NXPH1: variants seen among roughly 807,000 people sequenced by gnomAD.
NXPH1 encodes the protein neurexophilin-1.
NXPH1 carries 5 observed loss-of-function variants against 23.7 expected under a neutral mutation model. That is an observed-to-expected ratio of 0.21 (90% CI 0.11 to 0.44). The LOEUF (loss-of-function observed/expected upper bound fraction) is 0.44, where lower values mean the gene tolerates loss of function less well. Ranked by LOEUF, NXPH1 falls within the 20% of genes least tolerant of loss-of-function variation. The pLI is 0.99. For synonymous variants in NXPH1, 144 were observed against 122.2 expected (o/e 1.18, Z -1.18); for missense variants, 324 against 321.6 (o/e 1.01, Z -0.06).
chr7:8,487,925 A>G (rs1817185919), intron 2 of NXPH1, among the ~76,000 whole-genome samples: 1 of 152,104 alleles, frequency 6.6e-6, no homozygotes, highest in Non-Finnish European at 1.5e-5. Flanking sequence ...GAAGAATTTT[A>G]AGGGTCACAT....
intron 2 of NXPH1, among the ~76,000 whole-genome samples, chr7:8,578,760 A>G (rs1057473393): frequency 6.6e-6 from 1 of 152,210 alleles, no homozygotes; most frequent in East Asian, 1.9e-4. Flanking sequence ...ATAAGTTGCT[A>G]TGGAAACATA....
At chr7:8,490,209 A>C (rs189326607) in intron 2 of NXPH1, among the ~76,000 whole-genome samples, 2 of 152,202 alleles carry the variant, frequency 1.3e-5, no homozygotes, top group Admixed American at 1.3e-4. Context: ...AATGCTACTT[A>C]GAGGGAAATT....
chr7:8,656,024 A>G (rs181951545), intron 2 of NXPH1, among the ~76,000 whole-genome samples: 8 of 152,346 alleles, frequency 5.3e-5, no homozygotes, highest in Admixed American at 5.2e-4. Context: ...TTAATATTGC[A>G]TCTCTAGTGC....
chr7:8,520,063 C>CA (rs1252478158), intron 2 of NXPH1, among the ~76,000 whole-genome samples: 1 of 151,856 alleles, frequency 6.6e-6, no homozygotes, highest in African/African-American at 2.4e-5. Context: ...TTTCATTATA[C>CA]AAAAAGAATG....
At chr7:8,540,876 G>A (rs908020610) in intron 2 of NXPH1, among the ~76,000 whole-genome samples, 1 of 151,704 alleles carries the variant, frequency 6.6e-6, no homozygotes, top group Admixed American at 6.6e-5. Flanking sequence ...CCATGACTGA[G>A]CATGCTCCAG....
At chr7:8,721,462 G>C (rs896395640) in intron 2 of NXPH1, among the ~76,000 whole-genome samples, 1 of 152,184 alleles carries the variant, frequency 6.6e-6, no homozygotes, top group Admixed American at 6.5e-5. Context: ...TAAGAACCAA[G>C]ATTACTTAAA....
At chr7:8,625,602 G>C (rs1562432956) in intron 2 of NXPH1, among the ~76,000 whole-genome samples, 1 of 152,108 alleles carries the variant, frequency 6.6e-6, no homozygotes, top group East Asian at 1.9e-4. Context: ...GAAGAGGATA[G>C]TGTTCCATTA....
At chr7:8,583,512 CATT>C (rs368929886) in intron 2 of NXPH1, among the ~76,000 whole-genome samples, 5 of 152,064 alleles carry the variant, frequency 3.3e-5, no homozygotes, top group South Asian at 2.1e-4. Flanking sequence ...TGTTTGCTAT[CATT>C]ATTATTATTA....
At chr7:8,477,569 T>C (rs1434021829) in intron 2 of NXPH1, among the ~76,000 whole-genome samples, 3 of 152,234 alleles carry the variant, frequency 2.0e-5, no homozygotes, top group African/African-American at 7.2e-5. Context: ...AATATGCAAA[T>C]GTGCCTAATT....
intron 2 of NXPH1, among the ~76,000 whole-genome samples, chr7:8,514,305 G>A (rs1413909538): frequency 1.3e-5 from 2 of 152,014 alleles, no homozygotes. Flanking sequence ...CTCTCTCTCC[G>A]ACATTTTTAA....
At chr7:8,573,161 T>C (rs1174016362) in intron 2 of NXPH1, among the ~76,000 whole-genome samples, 1 of 152,020 alleles carries the variant, frequency 6.6e-6, no homozygotes, top group Non-Finnish European at 1.5e-5. Context: ...ACTTAACAAA[T>C]GTCTTAAACA....
At chr7:8,645,003 T>A (rs530832380) in intron 2 of NXPH1, among the ~76,000 whole-genome samples, 1 of 152,242 alleles carries the variant, frequency 6.6e-6, no homozygotes, top group Non-Finnish European at 1.5e-5. Flanking sequence ...TGTTGATAAA[T>A]GCAGTTCTAA....
intron 2 of NXPH1, among the ~76,000 whole-genome samples, chr7:8,439,235 G>A (rs1414835956): frequency 6.6e-6 from 1 of 152,154 alleles, no homozygotes; most frequent in African/African-American, 2.4e-5. Context: ...CTTTATTGAA[G>A]CATATATTGA....
chr7:8,739,171 TAAAAAAAAAAA>T (rs34593997), intron 2 of NXPH1, among the ~76,000 whole-genome samples: 11,718 of 55,138 alleles, frequency 0.21, 1,064 homozygotes, highest in Middle Eastern at 0.54. Context: ...ACCAGTGGGG[TAAAAAAAAAAA>T]AAAAAAAAAA....
intron 2 of NXPH1, among the ~76,000 whole-genome samples, chr7:8,534,721 C>CT (rs1431145238): frequency 1.3e-5 from 2 of 152,052 alleles, no homozygotes; most frequent in Admixed American, 6.6e-5. Flanking sequence ...TTTCAGGTCT[C>CT]TTTTATCACT....
chr7:8,629,766 G>A (rs905732501), intron 2 of NXPH1, among the ~76,000 whole-genome samples: 7 of 152,122 alleles, frequency 4.6e-5, no homozygotes, highest in Admixed American at 3.3e-4. Context: ...TATTACAAAT[G>A]AGTCACTTTA....
rs1387148061 is a variant in NXPH1 at position 8,581,810 on chromosome 7, AG to A, written c.54+146045del. 5.3e-5 allele frequency among the ~76,000 whole-genome samples: 8 copies of A among 152,306 alleles called. No homozygotes were observed. In the East Asian group the frequency reaches 1.5e-3, roughly 29 times the overall value. On this transcript the variant is annotated intron_variant, in intron 2 of 2. Transcript: ENST00000405863. The stretch of plus-strand genomic sequence containing the variant: ...GGAGGGAGAGTACAGGAGGTCAAAA[AG>A]GACTCCCCAGAGAAATTGCCATTTA...
At chr7:8,479,423 T>C (rs1021567508) in intron 2 of NXPH1, among the ~76,000 whole-genome samples, 3 of 152,132 alleles carry the variant, frequency 2.0e-5, no homozygotes, top group Admixed American at 2.0e-4. Context: ...GAGATACAGA[T>C]GTAATTCGGA....
chr7:8,619,684 T>A (rs563481371), intron 2 of NXPH1, among the ~76,000 whole-genome samples: 3 of 152,306 alleles, frequency 2.0e-5, no homozygotes, highest in African/African-American at 4.8e-5. Flanking sequence ...TCTTATCTTA[T>A]TCTCCAGCGT....
Sources: gnomAD v4.1 joint callset for allele counts (sites outside exome capture counted in the v4.1 genomes callset) on GRCh38, gnomAD v4.1.1 for gene constraint, MANE v1.5 for transcripts, NCBI Gene and HGNC (gene_info 2026-07-23, HGNC 2026-07-21) for gene names.